The following FAM13A variants were observed in gnomAD, a reference collection of about 807,000 sequenced individuals.
FAM13A encodes protein FAM13A.
Under a neutral mutation model 129.6 loss-of-function variants are expected in FAM13A, and 76 were observed. The observed-to-expected ratio is 0.59, with a 90% confidence interval of 0.49 to 0.71. The LOEUF (loss-of-function observed/expected upper bound fraction) is 0.71. Ranked by LOEUF, FAM13A falls within the 30% of genes least tolerant of loss-of-function variation. FAM13A has a pLI of 0.00. For synonymous variants in FAM13A, 443 were observed against 449.9 expected, an observed-to-expected ratio of 0.98 and a Z score of 0.20; for missense variants, 1,108 against 1,249.3, an observed-to-expected ratio of 0.89 and a Z score of 1.70.
intron 3 of FAM13A, among the ~76,000 whole-genome samples, chr4:89,012,729 G>GA (rs1765901025): frequency 6.6e-6 from 1 of 152,214 alleles, no homozygotes; most frequent in East Asian, 1.9e-4. Context: ...CTAAATGTCT[G>GA]AAAAAATACT....
chr4:89,033,902 T>C (rs144201330), intron 1 of FAM13A, among the ~76,000 whole-genome samples: 2 of 152,212 alleles, frequency 1.3e-5, no homozygotes, highest in Non-Finnish European at 2.9e-5. Context: ...ACTGGACCCC[T>C]ACCTTTCACC....
chr4:88,760,108 G>C (rs2149513105), intron 13 of FAM13A, among the ~76,000 whole-genome samples: 1 of 152,324 alleles, frequency 6.6e-6, no homozygotes, highest in Non-Finnish European at 1.5e-5. Flanking sequence ...TATGAGAAAC[G>C]TTTCTGTGCT....
At chr4:88,991,370 G>A (rs371369834) in intron 3 of FAM13A, among the ~76,000 whole-genome samples, 9 of 152,182 alleles carry the variant, frequency 5.9e-5, no homozygotes, top group Admixed American at 2.0e-4. Context: ...CCCGGGAGGC[G>A]GAGCTCGCAG....
chr4:88,797,296 T>A (rs1726411375), intron 8 of FAM13A, among the ~76,000 whole-genome samples: 3 of 150,906 alleles, frequency 2.0e-5, no homozygotes, highest in Non-Finnish European at 4.4e-5. Context: ...TGAGACAGTG[T>A]CTTGCTCCGT....
chr4:88,871,868 T>C (rs908405762), intron 6 of FAM13A, among the ~76,000 whole-genome samples: 1 of 151,844 alleles, frequency 6.6e-6, no homozygotes, highest in African/African-American at 2.4e-5. Context: ...TTGAAATGAA[T>C]GAAAAAATGT....
intron 3 of FAM13A, among the ~76,000 whole-genome samples, chr4:89,005,076 T>A (rs185045151): frequency 1.3e-3 from 191 of 151,834 alleles, no homozygotes; most frequent in African/African-American, 4.6e-3. Flanking sequence ...TCACACTCCA[T>A]CCTCAAGTAG....
chr4:88,945,988 G>GTGTGTGTGTGTA (rs796180552), intron 4 of FAM13A, among the ~76,000 whole-genome samples: 3 of 13,676 alleles, frequency 2.2e-4, no homozygotes, highest in African/African-American at 3.3e-4. Context: ...GTGTGTGTGT[G>GTGTGTGTGTGTA]TGTATATATA....
At chr4:88,906,091 C>T (rs1026379162) in intron 6 of FAM13A, among the ~76,000 whole-genome samples, 1 of 152,114 alleles carries the variant, frequency 6.6e-6, no homozygotes, top group Non-Finnish European at 1.5e-5. Context: ...AGTTTGAGAC[C>T]AGCCTGGCCA....
intron 8 of FAM13A, among the ~76,000 whole-genome samples, chr4:88,796,571 A>C (rs950393483): frequency 6.6e-6 from 1 of 151,928 alleles, no homozygotes; most frequent in Non-Finnish European, 1.5e-5. Context: ...AAATGTGTTT[A>C]CTTGTTTACC....
Position 88,851,090 on chromosome 4 carries a change from T to A in FAM13A, c.937A>T (p.Ser313Cys). The A allele has an allele frequency of 6.2e-7, 1 of 1,614,082 alleles. No individual in the cohort carries two copies. Among genetic ancestry groups the A allele is most frequent in the Non-Finnish European group, 8.5e-7 (1 of 1,180,012 alleles). Residue 313 changes from serine (S) to cysteine (C), a missense_variant, in exon 7 of 24, where the codon AGT becomes TGT. Around this residue, in one of 3 missense-constraint regions of FAM13A, gnomAD observed 566 missense variants for 595.7 expected, o/e 0.95. Coordinates refer to ENST00000264344, the MANE Select transcript of FAM13A (RefSeq NM_014883.4). ...DGIPQLSLRL[S>C]YRKACLEDMN... Reference sequence around the variant, plus strand: ...TCTTCCAAGCAGGCTTTTCTATAACTTAGCCGCAAGCTGAGCTGAGGAATG... The same window carrying A: ...TCTTCCAAGCAGGCTTTTCTATAACATAGCCGCAAGCTGAGCTGAGGAATG...
intron 6 of FAM13A, among the ~76,000 whole-genome samples, chr4:88,877,796 A>G (rs1401124027): frequency 1.3e-5 from 2 of 152,212 alleles, no homozygotes; most frequent in African/African-American, 4.8e-5. Context: ...CAAAGTCCTC[A>G]GTCTACCTCA....
intron 6 of FAM13A, among the ~76,000 whole-genome samples, chr4:88,859,889 CTT>C (rs35594962): frequency 0.11 from 16,668 of 152,112 alleles, 1,007 homozygotes; most frequent in Non-Finnish European, 0.14. Context: ...CCAAGTGTGT[CTT>C]TTTCATTTTT....
chr4:89,018,031 G>T (rs1254399655), intron 3 of FAM13A, among the ~76,000 whole-genome samples: 1 of 151,928 alleles, frequency 6.6e-6, no homozygotes, highest in Non-Finnish European at 1.5e-5. Context: ...CAAAAATGAA[G>T]TAGCTAAGAT....
At chr4:89,015,083 G>T (rs1333282517) in intron 3 of FAM13A, among the ~76,000 whole-genome samples, 1 of 152,138 alleles carries the variant, frequency 6.6e-6, no homozygotes, top group African/African-American at 2.4e-5. Flanking sequence ...TGAAGATAAG[G>T]GATGAAATAA....
chr4:88,756,322 A>G (rs1360819372), intron 14 of FAM13A, among the ~76,000 whole-genome samples: 2 of 152,186 alleles, frequency 1.3e-5, no homozygotes, highest in Non-Finnish European at 2.9e-5. Flanking sequence ...GAATCTATTT[A>G]TTAGTTTCAT....
chr4:88,805,525 T>C (rs1305030999), intron 7 of FAM13A, among the ~76,000 whole-genome samples: 1 of 152,152 alleles, frequency 6.6e-6, no homozygotes, highest in Non-Finnish European at 1.5e-5. Context: ...AACAGCACCA[T>C]ACTCACGGGC....
chr4:88,906,410 C>T lies in FAM13A; in HGVS notation c.812G>A (p.Arg271Lys). ...LPILLTRGLERDMPKPPPKTK... is the reference protein window; with the variant it reads ...LPILLTRGLEKDMPKPPPKTK... ...TTTTGGAGGTGGTTTTGGCATGTCT[C>T]TTTCTAAGCCTCTTGTTAAAAGGAT... Residue 271 changes from arginine (R) to lysine (K), a missense_variant, in exon 6 of 24, where the codon AGA becomes AAA. Physicochemically the swap from Arg to Lys is conservative, Grantham distance 26. Transcript: ENST00000264344. 1.2e-6 allele frequency: 2 copies of T among 1,612,192 alleles called. No individual in the cohort carries two copies. The highest frequency in any genetic ancestry group is 4.5e-5 in the East Asian group (2 of 44,786).
intron 7 of FAM13A, among the ~76,000 whole-genome samples, chr4:88,850,066 T>G (rs1737294568): frequency 6.6e-6 from 1 of 152,208 alleles, no homozygotes; most frequent in African/African-American, 2.4e-5. Context: ...GGCAAGCTCC[T>G]TAACTAAATT....
chr4:88,739,882 CAG>C (rs1278474339), intron 19 of FAM13A, among the ~76,000 whole-genome samples: 1 of 150,982 alleles, frequency 6.6e-6, no homozygotes, highest in Non-Finnish European at 1.5e-5. Context: ...TTCTGGCAAA[CAG>C]TGGGTATTCA....
Sources: gnomAD v4.1 joint callset for allele counts (sites outside exome capture counted in the v4.1 genomes callset) on GRCh38, gnomAD v4.1.1 for gene constraint, gnomAD v4.1.1 regional missense constraint, MANE v1.5 for transcripts, NCBI Gene and HGNC (gene_info 2026-07-23, HGNC 2026-07-21) for gene names.